NOL4: variants seen among roughly 807,000 people sequenced by gnomAD.
NOL4 encodes cancer/testis antigen 125.
NOL4 carries 17 observed loss-of-function variants against 75.9 expected under a neutral mutation model. The observed-to-expected ratio is 0.22, with a 90% confidence interval of 0.15 to 0.34. The LOEUF is 0.34. NOL4 is among the 10% of genes least tolerant of loss of function. The pLI, the probability that NOL4 is intolerant of heterozygous loss-of-function variation, is 1.00. For synonymous variants in NOL4, 292 were observed against 289.9 expected (o/e 1.01, Z -0.07); for missense variants, 614 against 793.5 (o/e 0.77, Z 2.72).
At chr18:34,049,634 C>T (rs1024189225) in intron 5 of NOL4, among the ~76,000 whole-genome samples, 4 of 152,020 alleles carry the variant, frequency 2.6e-5, no homozygotes, top group Non-Finnish European at 4.4e-5. Flanking sequence ...TCTGACCTGT[C>T]CTCTTTACTC....
intron 2 of NOL4, among the ~76,000 whole-genome samples, chr18:34,114,768 A>G (rs2145780537): frequency 6.6e-6 from 1 of 152,302 alleles, no homozygotes; most frequent in Admixed American, 6.5e-5. Context: ...GCTGGAAGTC[A>G]AACAAGGATT....
At chr18:34,157,879 A>G (rs28415800) in intron 1 of NOL4, among the ~76,000 whole-genome samples, 2,290 of 152,288 alleles carry the variant, frequency 0.015, 59 homozygotes, top group African/African-American at 0.053. Context: ...AGGACATTGA[A>G]GATAAACATG....
At position 33,943,191 on chromosome 18, in the gene NOL4, AG is replaced by A; in HGVS notation, c.1429-14del. 2 of 1,551,150 alleles carry A rather than the reference AG, an allele frequency of 1.3e-6. No individual in the cohort carries two copies. Among genetic ancestry groups the A allele is most frequent in the Non-Finnish European group, 1.8e-6 (2 of 1,129,356 alleles). Reference sequence around the variant, plus strand: ...GAATAGGTCGAGACTAAAAAAAAAAAGAGAAAAGTATGAAAAAAATTATTAA... The same window carrying A: ...GAATAGGTCGAGACTAAAAAAAAAAAAGAAAAGTATGAAAAAAATTATTAA... On this transcript the variant is annotated splice_polypyrimidine_tract_variant and intron_variant, in intron 8 of 10. Coordinates refer to ENST00000261592, the MANE Select transcript of NOL4 (RefSeq NM_003787.5).
chr18:34,188,743 G>A (rs560879519), intron 1 of NOL4, among the ~76,000 whole-genome samples: 2 of 152,272 alleles, frequency 1.3e-5, no homozygotes, highest in South Asian at 2.1e-4. Context: ...AGTTTCTACT[G>A]AAAGTGTATC....
chr18:34,207,949 T>C (rs994096744), intron 1 of NOL4, among the ~76,000 whole-genome samples: 2 of 152,156 alleles, frequency 1.3e-5, no homozygotes, highest in Non-Finnish European at 2.9e-5. Context: ...TGCTAGGCTA[T>C]TAGTGAAAAT....
chr18:33,957,746 T>C (rs1451277730), intron 7 of NOL4, among the ~76,000 whole-genome samples: 1 of 152,000 alleles, frequency 6.6e-6, no homozygotes, highest in Non-Finnish European at 1.5e-5. Context: ...CAGACAAACA[T>C]ACAGAAAAGA....
At chr18:33,931,350 G>A (rs1040864909) in intron 9 of NOL4, among the ~76,000 whole-genome samples, 1 of 152,130 alleles carries the variant, frequency 6.6e-6, no homozygotes, top group African/African-American at 2.4e-5. Flanking sequence ...TAAGTAGGTG[G>A]GGTGATGGGG....
At chr18:34,059,786 T>G (rs2076994822) in intron 5 of NOL4, among the ~76,000 whole-genome samples, 1 of 152,134 alleles carries the variant, frequency 6.6e-6, no homozygotes, top group African/African-American at 2.4e-5. Context: ...AGCCACCAAG[T>G]AAATGTCTCA....
At chr18:33,919,307 A>T (rs922829077) in intron 9 of NOL4, among the ~76,000 whole-genome samples, 4 of 152,160 alleles carry the variant, frequency 2.6e-5, no homozygotes, top group African/African-American at 9.6e-5. Context: ...ACAAGGAGGC[A>T]TGCCCTTTCC....
At chr18:33,932,828 AT>A (rs1448656163) in intron 9 of NOL4, among the ~76,000 whole-genome samples, 2 of 152,104 alleles carry the variant, frequency 1.3e-5, no homozygotes, top group African/African-American at 4.8e-5. Context: ...CTATACTCTT[AT>A]AAAAAGTATG....
intron 1 of NOL4, among the ~76,000 whole-genome samples, chr18:34,158,877 G>A (rs2030932284): frequency 6.6e-6 from 1 of 152,136 alleles, no homozygotes; most frequent in Non-Finnish European, 1.5e-5. Flanking sequence ...CCATCCTCTA[G>A]ACCATTTACT....
At chr18:33,950,982 G>A (rs1001260644) in intron 8 of NOL4, among the ~76,000 whole-genome samples, 2 of 152,066 alleles carry the variant, frequency 1.3e-5, no homozygotes, top group East Asian at 3.9e-4. Flanking sequence ...TAGGATAAGA[G>A]CTATTATTTC....
At chr18:34,141,750 T>A (rs1464319263) in intron 1 of NOL4, among the ~76,000 whole-genome samples, 8 of 152,086 alleles carry the variant, frequency 5.3e-5, no homozygotes, top group Non-Finnish European at 1.2e-4. Context: ...ACCTAGGCAA[T>A]ACCATTCAGG....
intron 10 of NOL4, among the ~76,000 whole-genome samples, chr18:33,858,656 G>C (rs1171134325): frequency 1.3e-5 from 2 of 151,958 alleles, no homozygotes; most frequent in Non-Finnish European, 2.9e-5. Flanking sequence ...TCTTTTTGAT[G>C]ATAGAATTTT....
At chr18:33,904,247 C>A (rs1019287712) in intron 9 of NOL4, among the ~76,000 whole-genome samples, 4 of 151,968 alleles carry the variant, frequency 2.6e-5, no homozygotes, top group African/African-American at 9.7e-5. Context: ...GGGCAGGTAG[C>A]CACACTACCC....
chr18:34,159,103 G>T (rs777560027), intron 1 of NOL4, among the ~76,000 whole-genome samples: 2 of 152,156 alleles, frequency 1.3e-5, no homozygotes, highest in Admixed American at 6.5e-5. Context: ...CTGGAGCAGC[G>T]GGTACAGGTG....
chr18:34,152,315 C>T (rs568077422), intron 1 of NOL4, among the ~76,000 whole-genome samples: 25 of 151,804 alleles, frequency 1.6e-4, no homozygotes, highest in African/African-American at 4.8e-4. Flanking sequence ...AAAAATAGGA[C>T]TCTTAAAAAA....
intron 5 of NOL4, among the ~76,000 whole-genome samples, chr18:34,039,872 T>G (rs1300699455): frequency 6.6e-6 from 1 of 152,026 alleles, no homozygotes; most frequent in East Asian, 1.9e-4. Flanking sequence ...ACAACCATTC[T>G]GTTTTTCACT....
chr18:33,972,293 A>C (rs1223082755), intron 6 of NOL4, among the ~76,000 whole-genome samples: 1 of 152,100 alleles, frequency 6.6e-6, no homozygotes, highest in East Asian at 1.9e-4. Context: ...AAAACAAATA[A>C]CCTGATTAAA....
Sources: allele counts gnomAD v4.1 joint callset (sites outside exome capture counted in the v4.1 genomes callset), GRCh38; gene constraint gnomAD v4.1.1; transcripts MANE v1.5; gene names NCBI Gene and HGNC (gene_info 2026-07-23, HGNC 2026-07-21).